The following SGIP1 variants were observed in gnomAD, a reference collection of about 807,000 sequenced individuals.
The protein encoded by SGIP1 is SH3-containing GRB2-like protein 3-interacting protein 1.
In SGIP1, 38 loss-of-function variants were observed where a neutral mutation model predicts 107.5. The ratio of observed to expected loss-of-function variants is 0.35; its 90% CI spans 0.27 to 0.46. The LOEUF is 0.46. Ranked by LOEUF, SGIP1 falls within the 20% of genes least tolerant of loss-of-function variation. SGIP1 has a pLI of 1.00. For synonymous variants in SGIP1, 365 were observed against 366.1 expected, an observed-to-expected ratio of 1.00 and a Z score of 0.03; for missense variants, 929 against 1,019.5, an observed-to-expected ratio of 0.91 and a Z score of 1.21.
At chr1:66,640,461 AG>A (rs1179402855) in intron 5 of SGIP1, among the ~76,000 whole-genome samples, 1 of 152,168 alleles carries the variant, frequency 6.6e-6, no homozygotes, top group Non-Finnish European at 1.5e-5. Flanking sequence ...CTCTGGGCAA[AG>A]GCCTAACATA....
chr1:66,578,910 A>G (rs1250365927), intron 1 of SGIP1, among the ~76,000 whole-genome samples: 2 of 152,080 alleles, frequency 1.3e-5, no homozygotes, highest in African/African-American at 2.4e-5. Flanking sequence ...ACCTCAGGAG[A>G]TCCACCCTCC....
intron 18 of SGIP1, chr1:66,704,656 T>A (rs930595207): frequency 4.6e-5 from 7 of 152,192 alleles, no homozygotes; most frequent in Non-Finnish European, 5.9e-5. Flanking sequence ...TAGCGTTTGT[T>A]TCTATTATGT....
chr1:66,646,437 T>C (rs12077192), intron 7 of SGIP1, among the ~76,000 whole-genome samples: 19,499 of 152,220 alleles, frequency 0.13, 1,340 homozygotes, highest in Admixed American at 0.18. Context: ...AATAATAAAT[T>C]ATTCATAACA....
intron 19 of SGIP1, among the ~76,000 whole-genome samples, chr1:66,727,931 G>A (rs1434325205): frequency 6.6e-6 from 1 of 152,032 alleles, no homozygotes; most frequent in Non-Finnish European, 1.5e-5. Flanking sequence ...AGGGATGATG[G>A]AAATGTTCAT....
intron 1 of SGIP1, among the ~76,000 whole-genome samples, chr1:66,605,972 C>T (rs915560001): frequency 6.6e-5 from 10 of 152,124 alleles, no homozygotes; most frequent in African/African-American, 2.4e-4. Context: ...CTAGAAGGTA[C>T]AAGTCACCTT....
intron 14 of SGIP1, among the ~76,000 whole-genome samples, chr1:66,680,424 T>G (rs761951387): frequency 6.6e-6 from 1 of 152,250 alleles, no homozygotes; most frequent in Non-Finnish European, 1.5e-5. Context: ...AGCTGTTATG[T>G]GCCTGGGCCC....
intron 1 of SGIP1, among the ~76,000 whole-genome samples, chr1:66,607,811 T>C (rs951330890): frequency 6.6e-6 from 1 of 152,236 alleles, no homozygotes; most frequent in Non-Finnish European, 1.5e-5. Context: ...CAGTTCTTTC[T>C]ATTGCTTTTT....
At chr1:66,558,476 T>C (rs2058490729) in intron 1 of SGIP1, among the ~76,000 whole-genome samples, 1 of 151,952 alleles carries the variant, frequency 6.6e-6, no homozygotes, top group South Asian at 2.1e-4. Flanking sequence ...TATATTATAT[T>C]ACATAGTGTA....
chr1:66,634,738 C>T (rs527445753), intron 3 of SGIP1, among the ~76,000 whole-genome samples: 7 of 152,286 alleles, frequency 4.6e-5, no homozygotes, highest in East Asian at 1.9e-4. Flanking sequence ...GAAAAGGCTA[C>T]GTTCAAAATA....
At chr1:66,630,922 G>A (rs1292428589) in intron 2 of SGIP1, among the ~76,000 whole-genome samples, 7 of 66,074 alleles carry the variant, frequency 1.1e-4, no homozygotes, top group Admixed American at 1.5e-4. Context: ...GAGGGAGGGA[G>A]GAAGGAAGGA....
intron 1 of SGIP1, among the ~76,000 whole-genome samples, chr1:66,609,245 T>C (rs574798553): frequency 1.3e-5 from 2 of 152,224 alleles, no homozygotes; most frequent in Non-Finnish European, 2.9e-5. Flanking sequence ...AGAAGTTTTA[T>C]AATGAAGTCT....
intron 7 of SGIP1, among the ~76,000 whole-genome samples, chr1:66,645,568 C>G (rs1558191174): frequency 6.6e-6 from 1 of 152,234 alleles, no homozygotes; most frequent in East Asian, 1.9e-4. Context: ...ACCAAGGGAC[C>G]CTCAGCTCCC....
At chr1:66,651,460 T>C (rs1439183713) in intron 7 of SGIP1, among the ~76,000 whole-genome samples, 1 of 152,138 alleles carries the variant, frequency 6.6e-6, no homozygotes, top group African/African-American at 2.4e-5. Context: ...TATATTACAC[T>C]AGTTTTGATG....
chr1:66,695,721 A>G (rs573505304), intron 18 of SGIP1, among the ~76,000 whole-genome samples: 1 of 152,348 alleles, frequency 6.6e-6, no homozygotes, highest in African/African-American at 2.4e-5. Flanking sequence ...GCTAATTTGC[A>G]GTTAATATTG....
intron 1 of SGIP1, among the ~76,000 whole-genome samples, chr1:66,589,196 A>ATGTGTG (rs1392783237): frequency 3.6e-5 from 2 of 55,278 alleles, no homozygotes; most frequent in African/African-American, 1.4e-4. Flanking sequence ...ATATATATAT[A>ATGTGTG]TATATATATA....
intron 2 of SGIP1, among the ~76,000 whole-genome samples, chr1:66,630,847 GAAAGA>G (rs1558133162): frequency 5.8e-5 from 1 of 17,284 alleles, no homozygotes; most frequent in African/African-American, 3.7e-4. Context: ...AAGAAAGAAA[GAAAGA>G]AAGAAAGAAA....
At chr1:66,681,795 C>G (rs189005198) in intron 14 of SGIP1, 74 bp from the exon 15 acceptor site, 3 of 1,488,594 alleles carry the variant, frequency 2.0e-6, no homozygotes. Flanking sequence ...ATTTTCCAGT[C>G]TTTGCCTCCC....
chr1:66,693,354 C>G (rs1413042735), intron 17 of SGIP1, among the ~76,000 whole-genome samples: 2 of 151,732 alleles, frequency 1.3e-5, no homozygotes, highest in African/African-American at 4.8e-5. Context: ...GGGGAAAATC[C>G]TATCAATATT....
In SGIP1 at chr1:66,634,197, C is replaced by G. The variant is rs374565775; in HGVS notation, c.99+1103C>G. On this transcript the variant is annotated intron_variant, in intron 3 of 24. Transcript: ENST00000371037. ...TGCTTCTGTGTCTCTTCTTTGCTTC[C>G]GGCTTGGTCCCCTCCCTGGGTTCTC... The G allele has an allele frequency of 1.3e-4, 208 of 1,570,678 alleles. 2 individuals carry two copies. The African/African-American group carries it at 2.6e-3, about 19-fold the overall frequency.
Sources: gnomAD v4.1 joint callset for allele counts (sites outside exome capture counted in the v4.1 genomes callset) on GRCh38, gnomAD v4.1.1 for gene constraint, MANE v1.5 for transcripts, NCBI Gene and HGNC (gene_info 2026-07-23, HGNC 2026-07-21) for gene names.